TPST1: variants seen among roughly 807,000 people sequenced by gnomAD.
The protein encoded by TPST1 is protein-tyrosine sulfotransferase 1.
Under a neutral mutation model 34.8 loss-of-function variants are expected in TPST1, and 20 were observed. That is an observed-to-expected ratio of 0.57 (90% CI 0.40 to 0.84). The LOEUF (loss-of-function observed/expected upper bound fraction) is 0.84, where lower values mean the gene tolerates loss of function less well. Ranked by LOEUF, TPST1 falls within the 40% of genes least tolerant of loss-of-function variation. The pLI is 0.00. For synonymous variants in TPST1, 152 were observed against 159.4 expected (o/e 0.95, Z 0.35); for missense variants, 353 against 455.5 (o/e 0.78, Z 2.05).
intron 3 of TPST1, among the ~76,000 whole-genome samples, chr7:66,304,821 C>CT (rs72110892): frequency 0.12 from 17,476 of 146,488 alleles, 1,214 homozygotes; most frequent in Non-Finnish European, 0.16. Flanking sequence ...TAGCCATTTC[C>CT]TTTTTTTTTT....
intron 4 of TPST1, 60 bp downstream of exon 4, chr7:66,352,615 A>C: frequency 6.3e-7 from 1 of 1,578,692 alleles, no homozygotes; most frequent in Non-Finnish European, 8.5e-7. Flanking sequence ...TTGAAGTAAT[A>C]TTTTTAAAGA....
At chr7:66,226,554 TC>T (rs1789659803) in intron 1 of TPST1, among the ~76,000 whole-genome samples, 1 of 152,208 alleles carries the variant, frequency 6.6e-6, no homozygotes, top group African/African-American at 2.4e-5. Context: ...GAAGCCAAAA[TC>T]CCTTTGTTTT....
intron 5 of TPST1, among the ~76,000 whole-genome samples, chr7:66,358,277 A>C (rs1792622585): frequency 6.6e-6 from 1 of 151,728 alleles, no homozygotes. Context: ...AATAAAAATA[A>C]AATCTGATAT....
chr7:66,224,980 C>T (rs965953881), intron 1 of TPST1, among the ~76,000 whole-genome samples: 11 of 129,924 alleles, frequency 8.5e-5, no homozygotes, highest in African/African-American at 2.9e-4. Flanking sequence ...TGCAATGGCA[C>T]GATCTTGGCT....
intron 1 of TPST1, among the ~76,000 whole-genome samples, chr7:66,233,730 C>T (rs1202635772): frequency 6.6e-6 from 1 of 152,174 alleles, no homozygotes; most frequent in African/African-American, 2.4e-5. Context: ...TCAGTGATAC[C>T]TGACTACGTC....
chr7:66,347,153 C>T (rs1792373257), intron 3 of TPST1, among the ~76,000 whole-genome samples: 1 of 145,238 alleles, frequency 6.9e-6, no homozygotes, highest in Admixed American at 7.0e-5. Flanking sequence ...TTGCAACCTC[C>T]ACCTCCCAGG....
At chr7:66,300,888 G>A (rs1791301744) in intron 3 of TPST1, among the ~76,000 whole-genome samples, 1 of 151,966 alleles carries the variant, frequency 6.6e-6, no homozygotes, top group Non-Finnish European at 1.5e-5. Context: ...AGAGGTTGCA[G>A]TGAGCCAAGA....
intron 3 of TPST1, among the ~76,000 whole-genome samples, chr7:66,310,831 T>TTATC (rs1225164776): frequency 6.6e-6 from 1 of 151,380 alleles, no homozygotes; most frequent in Non-Finnish European, 1.5e-5. Flanking sequence ...ATTTATTTAT[T>TTATC]TATTTATGAG....
At position 66,236,047 on chromosome 7, in the gene TPST1, T is replaced by TA. The variant is rs557396838; in HGVS notation, c.-101-4271dup. On this transcript the variant is annotated intron_variant, in intron 1 of 5. Transcript: ENST00000304842. ...ATTACACTTCAATACAGCTTTTTTT[T>TA]AAAAAAAGGAATTCATTACTAGAAA... 3.1e-3 allele frequency among the ~76,000 whole-genome samples: 468 copies of TA among 151,990 alleles called. 2 individuals carry two copies. The highest frequency in any genetic ancestry group is 0.011 in the African/African-American group (447 of 41,484).
chr7:66,359,831 G>A (rs993058338), intron 5 of TPST1, 64 bp from the exon 6 acceptor site: 3 of 453,944 alleles, frequency 6.6e-6, no homozygotes, highest in East Asian at 7.0e-5. Flanking sequence ...AGGAAGAGAC[G>A]AAGACACAGG....
chr7:66,276,659 GT>G (rs988498200), intron 2 of TPST1, among the ~76,000 whole-genome samples: 26 of 151,736 alleles, frequency 1.7e-4, no homozygotes, highest in Non-Finnish European at 3.5e-4. Flanking sequence ...CTTCCTTCTA[GT>G]TTAGTTTATT....
At chr7:66,280,929 A>G (rs1172998606) in intron 2 of TPST1, among the ~76,000 whole-genome samples, 2 of 152,226 alleles carry the variant, frequency 1.3e-5, no homozygotes, top group Admixed American at 1.3e-4. Context: ...GGCCCTCCAG[A>G]ACATTTCAGC....
intron 2 of TPST1, among the ~76,000 whole-genome samples, chr7:66,242,499 T>C (rs1026916006): frequency 1.3e-5 from 2 of 152,226 alleles, no homozygotes; most frequent in Admixed American, 6.5e-5. Context: ...CTTTCAATTA[T>C]TGATTATAAG....
At chr7:66,296,000 A>G (rs1791184152) in intron 3 of TPST1, among the ~76,000 whole-genome samples, 1 of 152,150 alleles carries the variant, frequency 6.6e-6, no homozygotes, top group African/African-American at 2.4e-5. Context: ...TCCTTTGCAC[A>G]ATAGTGAAAG....
intron 1 of TPST1, among the ~76,000 whole-genome samples, chr7:66,229,168 T>C (rs1328460546): frequency 4.0e-5 from 6 of 151,846 alleles, no homozygotes; most frequent in Non-Finnish European, 7.4e-5. Context: ...TGGAGTGCAG[T>C]GGCACGATCT....
upstream of TPST1, among the ~76,000 whole-genome samples, chr7:66,202,618 G>A (rs1255692983): frequency 6.6e-6 from 1 of 152,168 alleles, no homozygotes; most frequent in Non-Finnish European, 1.5e-5. Flanking sequence ...GGTGGCTTCC[G>A]TATTACTGAG....
At chr7:66,304,829 T>C (rs1352909014) in intron 3 of TPST1, among the ~76,000 whole-genome samples, 1 of 151,998 alleles carries the variant, frequency 6.6e-6, no homozygotes. Context: ...TCCTTTTTTT[T>C]TTTTTCTTGG....
At chr7:66,279,320 C>T (rs1245744721) in intron 2 of TPST1, among the ~76,000 whole-genome samples, 2 of 152,156 alleles carry the variant, frequency 1.3e-5, no homozygotes, top group African/African-American at 4.8e-5. Context: ...TTTTCATCAT[C>T]CAGTCCACTG....
chr7:66,225,064 C>T (rs966446331), intron 1 of TPST1, among the ~76,000 whole-genome samples: 26 of 151,056 alleles, frequency 1.7e-4, no homozygotes, highest in Non-Finnish European at 3.0e-4. Flanking sequence ...ATTACAGGCA[C>T]GCGCCACCAC....
Sources: allele counts gnomAD v4.1 joint callset (sites outside exome capture counted in the v4.1 genomes callset), GRCh38; gene constraint gnomAD v4.1.1; transcripts MANE v1.5; gene names NCBI Gene and HGNC (gene_info 2026-07-23, HGNC 2026-07-21).